FAT4: variants seen among roughly 807,000 people sequenced by gnomAD.
The protein encoded by FAT4 is FAT atypical cadherin 4, also known as protocadherin Fat 4.
A neutral mutation model predicts 303.9 loss-of-function variants in FAT4; 84 were observed. The observed-to-expected ratio is 0.28, with a 90% CI of 0.23 to 0.33. The LOEUF is 0.33. Ranked by LOEUF, FAT4 falls within the 10% of genes least tolerant of loss-of-function variation. The pLI, the probability that FAT4 is intolerant of heterozygous loss-of-function variation, is 1.00. For missense variants in FAT4, 6,005 were observed against 6,146.8 expected (o/e 0.98, Z 0.77); for synonymous variants, 2,307 against 2,298.8 (o/e 1.00, Z -0.10).
At chr4:125,339,720 G>C (rs1731706298) in intron 2 of FAT4, among the ~76,000 whole-genome samples, 1 of 152,092 alleles carries the variant, frequency 6.6e-6, no homozygotes. Flanking sequence ...GGGAAGATTA[G>C]TTAACTCCCT....
chr4:125,329,870 T>C (rs1315505553), intron 2 of FAT4, among the ~76,000 whole-genome samples: 1 of 152,200 alleles, frequency 6.6e-6, no homozygotes, highest in Admixed American at 6.5e-5. Flanking sequence ...CCTAACTTTC[T>C]TTCTCACCCT....
At chr4:125,412,898 T>C (rs1396471266) in intron 5 of FAT4, among the ~76,000 whole-genome samples, 3 of 151,842 alleles carry the variant, frequency 2.0e-5, no homozygotes, top group Non-Finnish European at 4.4e-5. Context: ...ATAATAGTCA[T>C]GTCCCCAAAA....
chr4:125,449,939 G>C lies in FAT4; in HGVS notation c.8929G>C (p.Asp2977His). Residue 2977 changes from aspartate (D) to histidine (H), a missense_variant, in exon 10 of 18, where the codon GAC becomes CAC. Asp to His is a moderately conservative substitution (Grantham distance 81). Transcript: ENST00000394329. Reference sequence around the variant, plus strand: ...GACAACAGTTACCATCAATATAGTGGACAGTAATGACAATGCACCTCAATT... The same window carrying C: ...GACAACAGTTACCATCAATATAGTGCACAGTAATGACAATGCACCTCAATT... ...SETTVTINIV[D>H]SNDNAPQFLK... is the part of the protein sequence containing the mutation. The C allele has an allele frequency of 1.2e-6, 2 of 1,613,738 alleles. No homozygotes were observed. Among genetic ancestry groups the C allele is most frequent in the Non-Finnish European group, 1.7e-6 (2 of 1,179,892 alleles).
At chr4:125,409,820 T>C (rs1425791203) in intron 5 of FAT4, among the ~76,000 whole-genome samples, 1 of 152,150 alleles carries the variant, frequency 6.6e-6, no homozygotes, top group Non-Finnish European at 1.5e-5. Flanking sequence ...TTTAACTGAA[T>C]TGTCTGGAAA....
chr4:125,317,442 T>C lies in FAT4; in HGVS notation c.1031T>C (p.Leu344Pro). ...TGRAEALIQLLDVNDNDPVVK... is the reference protein window; with the variant it reads ...TGRAEALIQLPDVNDNDPVVK... ...CGCGCCGAGGCGCTGATTCAGCTGCTGGACGTGAATGACAATGACCCGGTA... is the reference window on the plus strand; with the variant it reads ...CGCGCCGAGGCGCTGATTCAGCTGCCGGACGTGAATGACAATGACCCGGTA... The change falls in exon 2 of 18, where the codon CTG becomes CCG. Residue 344 changes from leucine to proline, a missense_variant. Physicochemically the swap from Leu to Pro is moderately conservative, Grantham distance 98. Transcript: ENST00000394329. This position sits in a 1 kb window ranked among gnomAD's most constrained non-coding sequence, Gnocchi z 7.0. 1 of 1,613,650 alleles carries C rather than the reference T, an allele frequency of 6.2e-7. No homozygotes were observed. Among genetic ancestry groups the C allele is most frequent in the Non-Finnish European group, 8.5e-7 (1 of 1,180,050 alleles).
At chr4:125,334,176 TTCC>T (rs1731486554) in intron 2 of FAT4, among the ~76,000 whole-genome samples, 1 of 152,050 alleles carries the variant, frequency 6.6e-6, no homozygotes, top group Admixed American at 6.6e-5. Context: ...AGGCTACAGC[TTCC>T]TCATGATCTT....
At chr4:125,417,421 A>G (rs888283858) in intron 7 of FAT4, among the ~76,000 whole-genome samples, 4 of 152,148 alleles carry the variant, frequency 2.6e-5, no homozygotes, top group Non-Finnish European at 5.9e-5. Context: ...GAGCCAAACT[A>G]TAAGTTCCTG....
chr4:125,395,754 G>T (rs1206505908), intron 2 of FAT4, among the ~76,000 whole-genome samples: 1 of 152,050 alleles, frequency 6.6e-6, no homozygotes, highest in African/African-American at 2.4e-5. Context: ...TGATGAAATG[G>T]TCTAGATCTG....
Position 125,320,170 on chromosome 4 carries a change from T to C in FAT4, c.3759T>C (p.Asn1253=). Residue 1253 remains asparagine, a synonymous_variant, in exon 2 of 18, where the codon AAT becomes AAC. Transcript: ENST00000394329. The part of the protein sequence containing the change: ...GLIHYSIIKG[N]EERQFAIDST... ...TTCACTATTCTATAATAAAAGGAAA[T>C]GAAGAAAGACAGTTTGCTATAGACA... 1 of 1,613,910 alleles carries C rather than the reference T, an allele frequency of 6.2e-7. No individual in the cohort carries two copies. Among genetic ancestry groups the C allele is most frequent in the Non-Finnish European group, 8.5e-7 (1 of 1,179,876 alleles).
chr4:125,364,784 G>C (rs1732800775), intron 2 of FAT4, among the ~76,000 whole-genome samples: 1 of 152,070 alleles, frequency 6.6e-6, no homozygotes, highest in Non-Finnish European at 1.5e-5. Flanking sequence ...TTGGGTGTGA[G>C]AGTGAAGAGC....
At chr4:125,413,863 G>A (rs1734938239) in intron 5 of FAT4, among the ~76,000 whole-genome samples, 1 of 151,942 alleles carries the variant, frequency 6.6e-6, no homozygotes, top group African/African-American at 2.4e-5. Flanking sequence ...TGAAATTAAT[G>A]TTAGAAATAT....
rs1047628671 is a variant in FAT4, at chr4:125,321,391, G to A, written c.4980G>A (p.Glu1660=). ...AAGCAGCTAGCCCCAGAGGATCTGA[G>A]GCCCCAGTGGAGTATTATATTGTTT... is the stretch of plus-strand genomic sequence containing the variant. ...SIEAASPRGS[E]APVEYYIVSV... The change falls in exon 2 of 18, where the codon GAG becomes GAA. Residue 1660 remains glutamate, a synonymous_variant. Coordinates refer to ENST00000394329, the MANE Select transcript of FAT4 (RefSeq NM_001291303.3). The A allele has an allele frequency of 3.1e-6, 5 of 1,614,026 alleles. No individual in the cohort carries two copies. The African/African-American group carries it at 5.3e-5, about 17-fold the overall frequency.
At position 125,450,743 on chromosome 4, in the gene FAT4, A is replaced by G; in HGVS notation, c.9733A>G (p.Ile3245Val). Residue 3245 changes from isoleucine to valine, a missense_variant, in exon 10 of 18, where the codon ATT (isoleucine) becomes GTT (valine). Physicochemically the swap from Ile to Val is conservative, Grantham distance 29. Coordinates refer to ENST00000394329, the MANE Select transcript of FAT4 (RefSeq NM_001291303.3). ...VQSSDSDLFV[I>V]DPNTGVITTQ... ...GTCATCTGACAGTGACCTCTTTGTC[A>G]TTGACCCTAACACAGGAGTCATAAC... The G allele has an allele frequency of 1.2e-6, 2 of 1,614,150 alleles. No individual in the cohort carries two copies. The highest frequency in any genetic ancestry group is 1.7e-6 in the Non-Finnish European group (2 of 1,180,020).
chr4:125,346,095 A>T (rs1245646394), intron 2 of FAT4, among the ~76,000 whole-genome samples: 1 of 152,090 alleles, frequency 6.6e-6, no homozygotes, highest in East Asian at 1.9e-4. Flanking sequence ...ACACTTTAAT[A>T]AAGTCATTTG....
chr4:125,391,222 T>C (rs985721081), intron 2 of FAT4, among the ~76,000 whole-genome samples: 3 of 152,144 alleles, frequency 2.0e-5, no homozygotes, highest in Non-Finnish European at 4.4e-5. Flanking sequence ...TGCACATGTA[T>C]GTTTACTGCA....
At chr4:125,395,710 A>G (rs2126010362) in intron 2 of FAT4, among the ~76,000 whole-genome samples, 1 of 152,238 alleles carries the variant, frequency 6.6e-6, no homozygotes, top group African/African-American at 2.4e-5. Context: ...ATTCTTACTA[A>G]AAATATAACT....
rs777046628 is a variant in FAT4, at chr4:125,415,209, C to T, written c.6246C>T (p.Asn2082=). The change falls in exon 6 of 18, where the codon AAC becomes AAT. Residue 2082 remains asparagine (N), a synonymous_variant. Coordinates refer to ENST00000394329, the MANE Select transcript of FAT4 (RefSeq NM_001291303.3). ...AQATDPDSGP[N]SYIEYTLLNP... is the part of the protein sequence containing the mutation. ...CAACTGACCCAGATAGTGGCCCAAA[C>T]AGCTATATTGAGTACACTCTGCTGA... 1 of 1,614,038 alleles carries T rather than the reference C, an allele frequency of 6.2e-7. No individual in the cohort carries two copies. Among genetic ancestry groups the T allele is most frequent in the South Asian group, 1.1e-5 (1 of 91,066 alleles).
chr4:125,323,392 A>T (rs1731031580), intron 2 of FAT4, among the ~76,000 whole-genome samples: 1 of 152,172 alleles, frequency 6.6e-6, no homozygotes, highest in Non-Finnish European at 1.5e-5. Flanking sequence ...TAATTTTGTT[A>T]TTAATAGGGG....
chr4:125,490,955 G>T lies in FAT4; in HGVS notation c.14139G>T (p.Thr4713=), dbSNP rs1336245600. The change falls in exon 18 of 18, where the codon ACG becomes ACT. Residue 4713 remains threonine, a synonymous_variant. Coordinates refer to ENST00000394329, the MANE Select transcript of FAT4 (RefSeq NM_001291303.3). ...HSPAPFSKSS[T]FYRNSPAREL... Reference sequence around the variant, plus strand: ...CAGCCCCTTTCTCCAAATCTTCTACGTTCTATAGAAACAGCCCAGCAAGGG... The same window carrying T: ...CAGCCCCTTTCTCCAAATCTTCTACTTTCTATAGAAACAGCCCAGCAAGGG... 2 of 1,614,106 alleles carry T rather than the reference G, an allele frequency of 1.2e-6. No homozygotes were observed. The highest frequency in any genetic ancestry group is 1.1e-5 in the South Asian group (1 of 91,078).
Sources: allele counts gnomAD v4.1 joint callset (sites outside exome capture counted in the v4.1 genomes callset), GRCh38; gene constraint gnomAD v4.1.1; non-coding constraint Gnocchi (gnomAD v3.1); transcripts MANE v1.5; gene names NCBI Gene and HGNC (gene_info 2026-07-23, HGNC 2026-07-21).